The following INO80 variants were observed in gnomAD, a reference collection of about 807,000 sequenced individuals.
The protein encoded by INO80 is chromatin-remodeling ATPase INO80.
A neutral mutation model predicts 203.4 loss-of-function variants in INO80; 20 were observed. That is an observed-to-expected ratio of 0.10 (90% CI 0.07 to 0.14). The LOEUF is 0.14. INO80 is among the 10% of genes least tolerant of loss of function. The pLI is 1.00. For missense variants in INO80, 1,419 were observed against 1,914.4 expected (o/e 0.74, Z 4.83); for synonymous variants, 726 against 685.2 (o/e 1.06, Z -0.93).
chr15:40,998,716 C>T (rs1293370263), intron 28 of INO80, among the ~76,000 whole-genome samples: 1 of 151,792 alleles, frequency 6.6e-6, no homozygotes, highest in East Asian at 1.9e-4. Flanking sequence ...TGCAGTGGCA[C>T]GATCTCGGCT....
chr15:41,058,593 G>A (rs764481188), intron 16 of INO80, 46 bp downstream of exon 16: 6 of 1,461,262 alleles, frequency 4.1e-6, no homozygotes, highest in Non-Finnish European at 4.7e-6. Flanking sequence ...GTGTGTGTGT[G>A]TACTTAACCC....
chr15:41,002,947 A>G (rs1365296686), intron 28 of INO80, among the ~76,000 whole-genome samples: 1 of 151,052 alleles, frequency 6.6e-6, no homozygotes, highest in East Asian at 1.9e-4. Flanking sequence ...TACTAAAAAT[A>G]CAAAAATACA....
chr15:41,050,019 A>G lies in INO80; in HGVS notation c.2358T>C (p.Asp786=), dbSNP rs760348077. Residue 786 remains aspartate, a synonymous_variant, in exon 20 of 36, where the codon GAT becomes GAC. Coordinates refer to ENST00000648947, the MANE Select transcript of INO80 (RefSeq NM_017553.3). The stretch of plus-strand genomic sequence containing the variant: ...TAGAGCCCATAGAAGACTGCAATAA[A>G]TCCTCAATGGAAATTTTGTTCTTTA... ...QALKNKISIE[D]LLQSSMGSTQ... is the part of the protein sequence containing the mutation. 1.2e-6 allele frequency: 2 copies of G among 1,613,994 alleles called. No individual in the cohort carries two copies. Among genetic ancestry groups the G allele is most frequent in the Admixed American group, 3.3e-5 (2 of 59,998 alleles).
intron 17 of INO80, 36 bp downstream of exon 17, chr15:41,056,586 T>G (rs2044988585): frequency 6.9e-6 from 10 of 1,441,430 alleles, no homozygotes; most frequent in Non-Finnish European, 9.8e-6. Flanking sequence ...TTCTGTTTTA[T>G]GAAGATATAA....
In INO80 at chr15:41,004,029, T is replaced by G. The variant is rs1047999548; in HGVS notation, c.3497+1564A>C. Reference sequence around the variant, plus strand: ...CACTGATTTCAGAATTAAGAAAAGATGAAGATCACCCAGTAATTTTTTTTC... The same window carrying G: ...CACTGATTTCAGAATTAAGAAAAGAGGAAGATCACCCAGTAATTTTTTTTC... On this transcript the variant is annotated intron_variant, in intron 28 of 35. Transcript: ENST00000648947. 3.3e-5 allele frequency among the ~76,000 whole-genome samples: 5 copies of G among 152,236 alleles called. No homozygotes were observed. The East Asian group carries it at 9.6e-4, about 29-fold the overall frequency.
intron 7 of INO80, 71 bp from the exon 8 acceptor site, chr15:41,081,144 C>A: frequency 1.0e-6 from 1 of 955,296 alleles, no homozygotes; most frequent in South Asian, 1.4e-5. Context: ...AATGAACAGT[C>A]TTTTACTCAA....
At chr15:41,107,327 C>A (rs1039488532) in intron 1 of INO80, among the ~76,000 whole-genome samples, 1 of 152,136 alleles carries the variant, frequency 6.6e-6, no homozygotes, top group South Asian at 2.1e-4. Flanking sequence ...AAGGTGAAAC[C>A]CCATCTCTAC....
intron 29 of INO80, among the ~76,000 whole-genome samples, chr15:40,995,107 C>T (rs1331715712): frequency 2.0e-5 from 3 of 152,246 alleles, no homozygotes; most frequent in African/African-American, 7.2e-5. Flanking sequence ...CTGCCCACCT[C>T]AGCCTCCCAA....
In INO80 at chr15:41,055,238, A is replaced by G. The variant is rs1356839404; in HGVS notation, c.2188+9T>C. 3 of 1,505,966 alleles carry G rather than the reference A, an allele frequency of 2.0e-6. No individual in the cohort carries two copies. Among genetic ancestry groups the G allele is most frequent in the Non-Finnish European group, 2.8e-6 (3 of 1,084,180 alleles). The allele number at this position is 1,505,966 out of a possible 1,614,324, so 93.3% of individuals were successfully genotyped here. A position where few individuals can be genotyped will look rare whatever the true frequency, so the allele number is the denominator to read the frequency against. On this transcript the variant is annotated intron_variant, in intron 18 of 35. Coordinates refer to ENST00000648947, the MANE Select transcript of INO80 (RefSeq NM_017553.3). Reference sequence around the variant, plus strand: ...GGTAGATAGAAAGCCAGCTCATAACAGTACTCACTCTCATCAATAGCAGAT... The same window carrying G: ...GGTAGATAGAAAGCCAGCTCATAACGGTACTCACTCTCATCAATAGCAGAT...
intron 23 of INO80, among the ~76,000 whole-genome samples, chr15:41,046,764 T>G (rs995533966): frequency 6.6e-6 from 1 of 151,626 alleles, no homozygotes; most frequent in Non-Finnish European, 1.5e-5. Flanking sequence ...ACTACAGTGG[T>G]GTACCACCAC....
At chr15:41,003,253 AC>A (rs2043987522) in intron 28 of INO80, among the ~76,000 whole-genome samples, 1 of 151,886 alleles carries the variant, frequency 6.6e-6, no homozygotes, top group Admixed American at 6.6e-5. Flanking sequence ...TATAAATATA[AC>A]CCTATACATA....
At chr15:41,012,461 G>A (rs1240317039) in intron 27 of INO80, among the ~76,000 whole-genome samples, 1 of 150,088 alleles carries the variant, frequency 6.7e-6, no homozygotes, top group Non-Finnish European at 1.5e-5. Context: ...AGCTGCTCTG[G>A]AGGCTGAGGA....
At chr15:40,980,571 T>A in intron 35 of INO80, 131 bp from the exon 36 acceptor site, 1 of 652,348 alleles carries the variant, frequency 1.5e-6, no homozygotes, top group Non-Finnish European at 2.7e-6. Flanking sequence ...CACTCCTTGC[T>A]AACAACTTCT....
intron 23 of INO80, among the ~76,000 whole-genome samples, chr15:41,045,887 T>A (rs960907528): frequency 8.5e-5 from 11 of 129,032 alleles, no homozygotes; most frequent in Non-Finnish European, 1.7e-4. Context: ...GGCGACCGAG[T>A]GAGACTTCAT....
intron 24 of INO80, among the ~76,000 whole-genome samples, chr15:41,037,716 G>C (rs1247750102): frequency 1.3e-5 from 2 of 151,992 alleles, no homozygotes; most frequent in Non-Finnish European, 2.9e-5. Context: ...GCCGAGGCGA[G>C]AGGATCACTT....
intron 9 of INO80, among the ~76,000 whole-genome samples, chr15:41,078,916 G>GT (rs768366855): frequency 2.0e-5 from 3 of 152,100 alleles, no homozygotes; most frequent in African/African-American, 7.2e-5. Flanking sequence ...CGAGGCAGGC[G>GT]TATCATCTGA....
chr15:41,005,711 C>T (rs1472453319), intron 27 of INO80, 24 bp from the exon 28 acceptor site: 5 of 1,292,816 alleles, frequency 3.9e-6, no homozygotes, highest in Non-Finnish European at 2.2e-6. Flanking sequence ...TAAAAGGACA[C>T]AGTAAATCTG....
rs895371218 is a variant in INO80 at position 41,115,994 on chromosome 15, G to A, written c.-65C>T. 1.8e-5 allele frequency: 7 copies of A among 385,390 alleles called. No individual in the cohort carries two copies. Among genetic ancestry groups the A allele is most frequent in the African/African-American group, 1.3e-4 (6 of 47,974 alleles). The allele number at this position is 385,390 out of a possible 1,614,324, so 23.9% of individuals were successfully genotyped here. A position where few individuals can be genotyped will look rare whatever the true frequency, so the allele number is the denominator to read the frequency against. Reference sequence around the variant, plus strand: ...TCACCTCGGGCCGCCTGGCCCCGCCGCCGCGACGGCGGCGGAGGGGGGGCG... The same window carrying A: ...TCACCTCGGGCCGCCTGGCCCCGCCACCGCGACGGCGGCGGAGGGGGGGCG... On this transcript the variant is annotated 5_prime_UTR_variant, in exon 1 of 36. Coordinates refer to ENST00000648947, the MANE Select transcript of INO80 (RefSeq NM_017553.3).
intron 10 of INO80, among the ~76,000 whole-genome samples, 163 bp downstream of exon 10, chr15:41,074,207 C>A (rs1305979235): frequency 6.6e-6 from 1 of 152,188 alleles, no homozygotes; most frequent in African/African-American, 2.4e-5. Flanking sequence ...TGGTCTTATA[C>A]TTCTGTTATA....
Sources: gnomAD v4.1 joint callset for allele counts (sites outside exome capture counted in the v4.1 genomes callset) on GRCh38, gnomAD v4.1.1 for gene constraint, MANE v1.5 for transcripts, NCBI Gene and HGNC (gene_info 2026-07-23, HGNC 2026-07-21) for gene names.